TSC2: variants seen among roughly 807,000 people sequenced by gnomAD.
The protein encoded by TSC2 is tuberin.
In TSC2, 29 loss-of-function variants were observed where a neutral mutation model predicts 202.2. The ratio of observed to expected loss-of-function variants is 0.14; its 90% CI spans 0.11 to 0.20. The LOEUF is 0.20. TSC2 is among the 10% of genes least tolerant of loss of function. TSC2 has a pLI of 1.00. For synonymous variants in TSC2, 1,349 were observed against 1,044.0 expected (o/e 1.29, Z -5.63); for missense variants, 2,429 against 2,420.0 (o/e 1.00, Z -0.08).
At chr16:2,080,731 G>C (rs376922324) in intron 30 of TSC2, 20 of 280,628 alleles carry the variant, frequency 7.1e-5, no homozygotes, top group African/African-American at 3.3e-4. Flanking sequence ...TGATCCGCCC[G>C]CCTTGGCCTC....
At chr16:2,087,084 C>T in intron 38 of TSC2, 1 of 704,352 alleles carries the variant, frequency 1.4e-6, no homozygotes, top group Non-Finnish European at 2.4e-6. Context: ...GAGTGTCTGT[C>T]AGGAGTAACT....
At chr16:2,056,039 G>A (rs1289507408) in intron 6 of TSC2, 157 bp from the exon 7 acceptor site, 14 of 821,460 alleles carry the variant, frequency 1.7e-5, no homozygotes, top group Non-Finnish European at 2.8e-5. Context: ...GCAGTGGCTG[G>A]CGCACAGCAG....
Position 2,053,222 on chromosome 16 carries a change from G to T in TSC2, c.226-120G>T, listed in dbSNP as rs975113748. On this transcript the variant is annotated intron_variant, in intron 3 of 41. Coordinates refer to ENST00000219476, the MANE Select transcript of TSC2 (RefSeq NM_000548.5). ...AGGAGATACGAGCTTTGGAGGTGGG[G>T]CTCTCAGTCACAAGCCCCCGTTGTT... The T allele has an allele frequency of 6.2e-6, 6 of 970,474 alleles. No homozygotes were observed. In the African/African-American group the frequency reaches 8.1e-5, roughly 13 times the overall value. 60.1% of individuals were successfully genotyped at this position (970,474 alleles called of 1,614,324 possible). A position where few individuals can be genotyped will look rare whatever the true frequency, so the allele number is the denominator to read the frequency against.
rs777988634 is a variant in TSC2, at chr16:2,048,716, A to C, written c.101A>C (p.Lys34Thr). 1.9e-5 allele frequency: 30 copies of C among 1,613,960 alleles called. No individual in the cohort carries two copies. Among genetic ancestry groups the C allele is most frequent in the Non-Finnish European group, 2.5e-5 (29 of 1,180,026 alleles). Residue 34 changes from lysine (K) to threonine (T), a missense_variant, in exon 2 of 42, where the codon AAA (lysine) becomes ACA (threonine). Coordinates refer to ENST00000219476, the MANE Select transcript of TSC2 (RefSeq NM_000548.5). ...CCAAATCCCAGGTCTGCAGAGGGTAAACAGACGGAGTTTATCATCACCGCG... is the reference window on the plus strand; with the variant it reads ...CCAAATCCCAGGTCTGCAGAGGGTACACAGACGGAGTTTATCATCACCGCG... ...PRPNPRSAEGKQTEFIITAEI... is the reference protein window; with the variant it reads ...PRPNPRSAEGTQTEFIITAEI...
chr16:2,055,790 C>T (rs28680467), intron 6 of TSC2: 153 of 463,068 alleles, frequency 3.3e-4, no homozygotes, highest in African/African-American at 2.7e-3. Flanking sequence ...ACTCAGGAGG[C>T]TGAGGCAGGA....
At chr16:2,076,743 C>T (rs1441898880) in intron 25 of TSC2, 158 bp downstream of exon 25, 3 of 710,654 alleles carry the variant, frequency 4.2e-6, no homozygotes, top group Admixed American at 2.5e-5. Flanking sequence ...CCGCTAACAC[C>T]CCTCAGCCCC....
chr16:2,078,620 A>C, intron 26 of TSC2: 1 of 302,682 alleles, frequency 3.3e-6, no homozygotes, highest in Non-Finnish European at 6.4e-6. Flanking sequence ...TGACGGTGGA[A>C]GGCCACATGG....
chr16:2,081,315 G>T (rs1350053014), intron 30 of TSC2: 5 of 504,558 alleles, frequency 9.9e-6, no homozygotes, highest in African/African-American at 7.9e-5. Context: ...AAGAGTAGGG[G>T]TTCCAGCCCT....
rs2151551059 is a variant in TSC2, at chr16:2,085,256, G to A, written c.4596G>A (p.Gln1532=). Reference sequence around the variant, plus strand: ...CACAGTCCTTTGAGCGGTCGGTGCAGCTCCTCGACCAGATCCCATCATACG... The same window carrying A: ...CACAGTCCTTTGAGCGGTCGGTGCAACTCCTCGACCAGATCCCATCATACG... The part of the protein sequence containing the change: ...NESQSFERSV[Q]LLDQIPSYDT... The change falls in exon 36 of 42, where the codon CAG becomes CAA. Residue 1532 remains glutamine (Q), a synonymous_variant. Coordinates refer to ENST00000219476, the MANE Select transcript of TSC2 (RefSeq NM_000548.5). 1 of 1,612,784 alleles carries A rather than the reference G, an allele frequency of 6.2e-7. No homozygotes were observed. The highest frequency in any genetic ancestry group is 8.5e-7 in the Non-Finnish European group (1 of 1,179,958).
intron 21 of TSC2, among the ~76,000 whole-genome samples, chr16:2,073,458 G>A (rs1045171761): frequency 1.3e-5 from 2 of 152,242 alleles, no homozygotes; most frequent in Admixed American, 6.5e-5. Context: ...TGGCCCTCCG[G>A]GACGAGGAGC....
chr16:2,087,725 C>T lies in TSC2; in HGVS notation c.4990-138C>T, dbSNP rs182195296. ...GGGGGAGGCCAGACAAACACAGCCC[C>T]GCTGCCAGAGGGGAAAGTTCAGGGG... On this transcript the variant is annotated intron_variant, in intron 38 of 41. Coordinates refer to ENST00000219476, the MANE Select transcript of TSC2 (RefSeq NM_000548.5). 323 of 1,109,360 alleles carry T rather than the reference C, an allele frequency of 2.9e-4. 1 individual carries two copies. Among genetic ancestry groups the T allele is most frequent in the Admixed American group, 4.8e-4 (24 of 50,134 alleles). The allele number at this position is 1,109,360 out of a possible 1,614,324, so 68.7% of individuals were successfully genotyped here.
At chr16:2,075,493 CT>C (rs1381201215) in intron 22 of TSC2, among the ~76,000 whole-genome samples, 3 of 143,808 alleles carry the variant, frequency 2.1e-5, no homozygotes, top group Admixed American at 7.0e-5. Context: ...CGCCACTGCA[CT>C]CCAGCCTGGG....
chr16:2,077,743 G>A lies in TSC2; in HGVS notation c.2966+17G>A, dbSNP rs748886866. 5 of 1,611,280 alleles carry A rather than the reference G, an allele frequency of 3.1e-6. No homozygotes were observed. Among genetic ancestry groups the A allele is most frequent in the South Asian group, 1.1e-5 (1 of 91,048 alleles). On this transcript the variant is annotated intron_variant, in intron 26 of 41. Coordinates refer to ENST00000219476, the MANE Select transcript of TSC2 (RefSeq NM_000548.5). ...GGTCCGCAGGTAGCGGGACTGTCGG[G>A]TGGGGGGCACGGACCCTGGAGCTTG...
At position 2,086,187 on chromosome 16, in the gene TSC2, C is replaced by T. The variant is rs1596437883; in HGVS notation, c.4663-6C>T. The stretch of plus-strand genomic sequence containing the variant: ...ATGCCACCCTGCCTCTCCCCTCTCC[C>T]CACAGAGCAACAGCGAGCTCGCCAT... On this transcript the variant is annotated splice_polypyrimidine_tract_variant and splice_region_variant and intron_variant, in intron 36 of 41. Transcript: ENST00000219476. 4 of 1,612,368 alleles carry T rather than the reference C, an allele frequency of 2.5e-6. No homozygotes were observed. The highest frequency in any genetic ancestry group is 1.1e-5 in the South Asian group (1 of 91,080).
At chr16:2,083,268 C>T (rs1207348456) in intron 32 of TSC2, 4 of 460,332 alleles carry the variant, frequency 8.7e-6, no homozygotes, top group Non-Finnish European at 1.7e-5. Flanking sequence ...AGCCTCTGCT[C>T]TTGGGAGCAG....
Position 2,066,158 on chromosome 16 carries a change from G to A in TSC2, c.1716+523G>A, listed in dbSNP as rs6600184. 1.7e-3 allele frequency: 271 copies of A among 155,004 alleles called. 1 individual carries two copies. Among genetic ancestry groups the A allele is most frequent in the Admixed American group, 4.1e-3 (65 of 16,016 alleles). The allele number at this position is 155,004 out of a possible 1,614,324, so 9.6% of individuals were successfully genotyped here. ...CATCCCCCGTTGCTCCCGTACCCCCGGGTACCATCAAGCTGCTTCCTGTCT... is the reference window on the plus strand; with the variant it reads ...CATCCCCCGTTGCTCCCGTACCCCCAGGTACCATCAAGCTGCTTCCTGTCT... On this transcript the variant is annotated intron_variant, in intron 16 of 41. Coordinates refer to ENST00000219476, the MANE Select transcript of TSC2 (RefSeq NM_000548.5).
intron 17 of TSC2, 151 bp from the exon 18 acceptor site, chr16:2,071,359 G>T: frequency 1.3e-6 from 1 of 759,572 alleles, no homozygotes; most frequent in Non-Finnish European, 2.3e-6. Context: ...GACAGAGCCT[G>T]TGTCTGTGTT....
chr16:2,054,555 G>A (rs2085533386), intron 5 of TSC2, 115 bp downstream of exon 5: 2 of 1,490,564 alleles, frequency 1.3e-6, no homozygotes, highest in Admixed American at 3.4e-5. Flanking sequence ...CCTGCAGCGG[G>A]TATGCCCACC....
chr16:2,078,977 T>C (rs2151429015), intron 26 of TSC2, 55 bp from the exon 27 acceptor site: 3 of 1,608,072 alleles, frequency 1.9e-6, no homozygotes, highest in South Asian at 1.1e-5. Flanking sequence ...TGGTGATAGG[T>C]GGCTCGGCCC....
Sources: allele counts gnomAD v4.1 joint callset (sites outside exome capture counted in the v4.1 genomes callset), GRCh38; gene constraint gnomAD v4.1.1; transcripts MANE v1.5; gene names NCBI Gene and HGNC (gene_info 2026-07-23, HGNC 2026-07-21).